The following TESC variants were observed in gnomAD, a reference collection of about 807,000 sequenced individuals.
TESC encodes tescalcin.
Under a neutral mutation model 31.0 loss-of-function variants are expected in TESC, and 19 were observed. The observed-to-expected ratio is 0.61, with a 90% confidence interval of 0.43 to 0.90. TESC has a LOEUF of 0.90. Ranked by LOEUF, TESC falls within the 40% of genes least tolerant of loss-of-function variation. The probability of loss-of-function intolerance (pLI) is 0.00; values close to 1 mark genes in which losing one functional copy is unlikely to be tolerated. For synonymous variants in TESC, 109 were observed against 114.8 expected (o/e 0.95, Z 0.32); for missense variants, 248 against 303.8 (o/e 0.82, Z 1.36).
At chr12:117,056,730 T>C in intron 3 of TESC, 76 bp downstream of exon 3, 7 of 1,501,306 alleles carry the variant, frequency 4.7e-6, no homozygotes, top group Non-Finnish European at 6.5e-6. Context: ...AGGGTCATTC[T>C]AGGAAACAAG....
chr12:117,069,530 GC>G (rs146064419), intron 2 of TESC, among the ~76,000 whole-genome samples: 21,532 of 152,020 alleles, frequency 0.14, 1,656 homozygotes, highest in Middle Eastern at 0.21. Flanking sequence ...GAGCCACTGC[GC>G]CCGGCCAACA....
intron 7 of TESC, among the ~76,000 whole-genome samples, chr12:117,040,449 C>G (rs528812582): frequency 7.7e-4 from 117 of 152,280 alleles, no homozygotes; most frequent in Middle Eastern, 3.4e-3. Flanking sequence ...CTGGCAGAGG[C>G]CAGCCTTTAG....
At chr12:117,063,243 C>G (rs1163149948) in intron 2 of TESC, among the ~76,000 whole-genome samples, 1 of 152,164 alleles carries the variant, frequency 6.6e-6, no homozygotes, top group South Asian at 2.1e-4. Flanking sequence ...CAGGCTGGCT[C>G]GAACCATCTT....
intron 1 of TESC, among the ~76,000 whole-genome samples, chr12:117,083,638 T>C (rs1429437348): frequency 6.6e-6 from 1 of 152,234 alleles, no homozygotes; most frequent in African/African-American, 2.4e-5. Flanking sequence ...AAGCCAGACA[T>C]ACAAGGCCAC....
chr12:117,078,047 C>T (rs1955097221), intron 1 of TESC, among the ~76,000 whole-genome samples: 1 of 152,132 alleles, frequency 6.6e-6, no homozygotes, highest in Non-Finnish European at 1.5e-5. Flanking sequence ...AATTGTAATT[C>T]CACTTGGCAG....
chr12:117,046,492 T>G, intron 6 of TESC, 67 bp downstream of exon 6: 1 of 1,457,120 alleles, frequency 6.9e-7, no homozygotes, highest in Middle Eastern at 2.3e-4. Context: ...CCATGAGGCC[T>G]TCCAGAAACG....
chr12:117,049,649 C>T (rs1191076309), intron 3 of TESC, among the ~76,000 whole-genome samples: 1 of 150,452 alleles, frequency 6.6e-6, no homozygotes, highest in African/African-American at 2.4e-5. Flanking sequence ...GCCTCTAATC[C>T]TAGCACTCTG....
chr12:117,095,873 C>T (rs1283605808), intron 1 of TESC, among the ~76,000 whole-genome samples: 1 of 152,016 alleles, frequency 6.6e-6, no homozygotes, highest in African/African-American at 2.4e-5. Flanking sequence ...GAGCAAGACC[C>T]TGCCTCAAAA....
At chr12:117,047,003 T>C (rs892605290) in intron 4 of TESC, among the ~76,000 whole-genome samples, 165 bp from the exon 5 acceptor site, 3 of 152,040 alleles carry the variant, frequency 2.0e-5, no homozygotes, top group Admixed American at 6.5e-5. Context: ...TACTTCCTAC[T>C]GGGTGACCTT....
At chr12:117,039,265 A>AC (rs1954447169) in intron 7 of TESC, 55 bp from the exon 8 acceptor site, 1 of 1,546,890 alleles carries the variant, frequency 6.5e-7, no homozygotes, top group Non-Finnish European at 8.8e-7. Flanking sequence ...CTCACACCTG[A>AC]CCAGGCCCCC....
intron 1 of TESC, among the ~76,000 whole-genome samples, chr12:117,084,879 C>G (rs1352475055): frequency 6.6e-6 from 1 of 152,234 alleles, no homozygotes; most frequent in Admixed American, 6.5e-5. Context: ...TGTGTGGGCC[C>G]TGAGGGGCAC....
In TESC at chr12:117,049,020, T is replaced by A; in HGVS notation, c.348A>T (p.Arg116Ser). 2 of 1,614,146 alleles carry A rather than the reference T, an allele frequency of 1.2e-6. No individual in the cohort carries two copies. The highest frequency in any genetic ancestry group is 8.5e-7 in the Non-Finnish European group (1 of 1,180,014). The part of the protein sequence containing the change: ...QVELSRKEKL[R>S]FLFHMYDSDS... ...GCAAGGGGACTCAGTGGCACGCACA[T>A]CTCAGCTTCTCCTTCCGGGACAGCT... Residue 116 changes from arginine (R) to serine (S), a missense_variant and splice_region_variant, in exon 4 of 8, where the codon AGA (arginine) becomes AGT (serine). Physicochemically the swap from Arg to Ser is moderately radical, Grantham distance 110 (BLOSUM62 -1). Coordinates refer to ENST00000335209, the MANE Select transcript of TESC (RefSeq NM_017899.4).
chr12:117,063,585 C>T (rs1450582178), intron 2 of TESC, among the ~76,000 whole-genome samples: 1 of 152,224 alleles, frequency 6.6e-6, no homozygotes, highest in South Asian at 2.1e-4. Flanking sequence ...ACAAGGCTAA[C>T]CGACCTCCAA....
At position 117,041,982 on chromosome 12, in the gene TESC, C is replaced by G; in HGVS notation, c.532G>C (p.Val178Leu). 4 of 1,596,220 alleles carry G rather than the reference C, an allele frequency of 2.5e-6. No individual in the cohort carries two copies. The highest frequency in any genetic ancestry group is 3.4e-6 in the Non-Finnish European group (4 of 1,171,024). The change falls in exon 7 of 8, where the codon GTG (valine) becomes CTG (leucine). Residue 178 changes from valine to leucine, a missense_variant. Physicochemically the swap from Val to Leu is conservative, Grantham distance 32 (BLOSUM62 1). Coordinates refer to ENST00000335209, the MANE Select transcript of TESC (RefSeq NM_017899.4). ...VCMGQMEPDQ[V>L]YEGITFEDFL... ...TCCTCGAAGGTGATCCCCTCGTACA[C>G]CTGATCAGGCTCCTGGGGACGGAAG...
chr12:117,060,174 A>G (rs1954782945), intron 2 of TESC, among the ~76,000 whole-genome samples: 2 of 152,086 alleles, frequency 1.3e-5, no homozygotes, highest in African/African-American at 4.8e-5. Context: ...AGCTGTTAAA[A>G]TTTTCTAATA....
intron 3 of TESC, among the ~76,000 whole-genome samples, chr12:117,051,990 G>A (rs1484727902): frequency 6.6e-6 from 1 of 152,046 alleles, no homozygotes; most frequent in Non-Finnish European, 1.5e-5. Context: ...GCCCAGACTG[G>A]TCTTGAACCC....
chr12:117,077,663 T>C (rs1278713806), intron 1 of TESC, among the ~76,000 whole-genome samples: 4 of 152,218 alleles, frequency 2.6e-5, no homozygotes, highest in Non-Finnish European at 5.9e-5. Flanking sequence ...ATGATTCTAT[T>C]TGCATAAAGT....
intron 1 of TESC, among the ~76,000 whole-genome samples, chr12:117,089,160 C>T (rs1299192666): frequency 6.6e-6 from 1 of 152,218 alleles, no homozygotes; most frequent in Non-Finnish European, 1.5e-5. Flanking sequence ...GCAATGAATC[C>T]AAACTCCAAG....
intron 3 of TESC, among the ~76,000 whole-genome samples, chr12:117,052,781 C>T (rs1029740956): frequency 4.0e-5 from 6 of 151,886 alleles, no homozygotes; most frequent in Non-Finnish European, 7.4e-5. Context: ...CAGGCTCACA[C>T]CTCTAGTCAG....
Sources: gnomAD v4.1 joint callset for allele counts (sites outside exome capture counted in the v4.1 genomes callset) on GRCh38, gnomAD v4.1.1 for gene constraint, MANE v1.5 for transcripts, NCBI Gene and HGNC (gene_info 2026-07-23, HGNC 2026-07-21) for gene names.